The following CDKAL1 variants were observed in gnomAD, a reference collection of about 807,000 sequenced individuals.
The protein encoded by CDKAL1 is threonylcarbamoyladenosine tRNA methylthiotransferase.
A neutral mutation model predicts 68.2 loss-of-function variants in CDKAL1; 32 were observed. That is an observed-to-expected ratio of 0.47 (90% CI 0.35 to 0.63). The LOEUF is 0.63. CDKAL1 is among the 30% of genes least tolerant of loss of function. The pLI, the probability that CDKAL1 is intolerant of heterozygous loss-of-function variation, is 0.00. For missense variants in CDKAL1, 606 were observed against 696.7 expected (o/e 0.87, Z 1.47); for synonymous variants, 234 against 244.3 (o/e 0.96, Z 0.39).
intron 11 of CDKAL1, among the ~76,000 whole-genome samples, chr6:21,062,363 G>A (rs1401925713): frequency 6.6e-6 from 1 of 152,100 alleles, no homozygotes. Flanking sequence ...GAAAAGGCAA[G>A]TATAAAACTA....
rs556067375 is a variant in CDKAL1, at chr6:20,971,665, A to C, written c.909+16080A>C. ...TTTTATTCTAGTATCCTTCAAATCAAATGGGTCATTATTGTATTGAAGTGT... is the reference window on the plus strand; with the variant it reads ...TTTTATTCTAGTATCCTTCAAATCACATGGGTCATTATTGTATTGAAGTGT... On this transcript the variant is annotated intron_variant, in intron 10 of 15. Coordinates refer to ENST00000274695, the MANE Select transcript of CDKAL1 (RefSeq NM_017774.3). Among the ~76,000 whole-genome samples the C allele has an allele frequency of 8.5e-5, 13 of 152,298 alleles. No individual in the cohort carries two copies. The South Asian group carries it at 2.5e-3, about 29-fold the overall frequency.
At chr6:20,941,358 G>A (rs1763965465) in intron 9 of CDKAL1, among the ~76,000 whole-genome samples, 1 of 152,024 alleles carries the variant, frequency 6.6e-6, no homozygotes, top group East Asian at 1.9e-4. Context: ...TCACTAAATT[G>A]GCATTAAAAA....
At chr6:20,867,200 A>G (rs968872646) in intron 9 of CDKAL1, among the ~76,000 whole-genome samples, 3 of 152,186 alleles carry the variant, frequency 2.0e-5, no homozygotes, top group African/African-American at 7.2e-5. Flanking sequence ...TCAGTGTAAT[A>G]TAGAGTAAAT....
intron 13 of CDKAL1, among the ~76,000 whole-genome samples, chr6:21,178,408 G>T (rs974168916): frequency 6.6e-6 from 1 of 152,150 alleles, no homozygotes; most frequent in Admixed American, 6.6e-5. Context: ...TATGAATTAT[G>T]AGTGTGCTGT....
At chr6:21,042,905 G>A (rs190797728) in intron 11 of CDKAL1, among the ~76,000 whole-genome samples, 67 of 152,118 alleles carry the variant, frequency 4.4e-4, no homozygotes, top group African/African-American at 1.2e-3. Flanking sequence ...CTACCTGAAC[G>A]CCTCTGCTCT....
intron 4 of CDKAL1, among the ~76,000 whole-genome samples, chr6:20,587,733 A>AAAAC (rs1319846960): frequency 4.4e-4 from 67 of 151,196 alleles, no homozygotes; most frequent in Middle Eastern, 3.5e-3. Context: ...ACCCTGTCTG[A>AAAAC]AAACAAACAA....
At chr6:20,641,599 C>T (rs772152382) in intron 4 of CDKAL1, among the ~76,000 whole-genome samples, 6 of 152,086 alleles carry the variant, frequency 3.9e-5, no homozygotes, top group Non-Finnish European at 7.3e-5. Context: ...AAAGTAGATA[C>T]TAGACATATT....
chr6:20,950,160 T>C (rs1362417635), intron 9 of CDKAL1, among the ~76,000 whole-genome samples: 1 of 152,158 alleles, frequency 6.6e-6, no homozygotes, highest in African/African-American at 2.4e-5. Context: ...TAAAGCATAG[T>C]GGCCGGAGCT....
At chr6:20,984,387 C>T (rs1766328456) in intron 10 of CDKAL1, among the ~76,000 whole-genome samples, 1 of 152,068 alleles carries the variant, frequency 6.6e-6, no homozygotes, top group Non-Finnish European at 1.5e-5. Flanking sequence ...CAAAAATCTC[C>T]ATGGAGGCCC....
intron 5 of CDKAL1, among the ~76,000 whole-genome samples, chr6:20,652,543 A>G (rs1768822246): frequency 6.6e-6 from 1 of 151,922 alleles, no homozygotes; most frequent in African/African-American, 2.4e-5. Flanking sequence ...CATATTTCCA[A>G]CCTCTCCAAC....
intron 12 of CDKAL1, among the ~76,000 whole-genome samples, chr6:21,069,935 G>A (rs536337027): frequency 6.6e-5 from 10 of 151,436 alleles, no homozygotes; most frequent in African/African-American, 1.5e-4. Context: ...GACTACAGGC[G>A]CCCGCCACCA....
chr6:21,119,890 G>A (rs1432841583), intron 13 of CDKAL1, among the ~76,000 whole-genome samples: 1 of 152,058 alleles, frequency 6.6e-6, no homozygotes, highest in Non-Finnish European at 1.5e-5. Flanking sequence ...CTATAGAGCT[G>A]GAAAGGCCCT....
chr6:20,692,962 T>TAA (rs918893444), intron 5 of CDKAL1, among the ~76,000 whole-genome samples: 1 of 148,830 alleles, frequency 6.7e-6, no homozygotes. Context: ...CAATCTCTAC[T>TAA]AAAAAAAAAT....
At chr6:20,754,739 T>C (rs565499217) in intron 6 of CDKAL1, among the ~76,000 whole-genome samples, 5 of 152,376 alleles carry the variant, frequency 3.3e-5, no homozygotes, top group African/African-American at 1.2e-4. Context: ...TCTCATTTTC[T>C]GTGTTGTCAT....
At chr6:20,567,887 T>C (rs1341646309) in intron 4 of CDKAL1, among the ~76,000 whole-genome samples, 1 of 151,802 alleles carries the variant, frequency 6.6e-6, no homozygotes, top group Non-Finnish European at 1.5e-5. Flanking sequence ...CAAATTTTTT[T>C]TTTTTTGAGA....
At chr6:20,953,598 T>A (rs1581904507) in intron 9 of CDKAL1, among the ~76,000 whole-genome samples, 1 of 152,178 alleles carries the variant, frequency 6.6e-6, no homozygotes, top group Non-Finnish European at 1.5e-5. Flanking sequence ...AAAAAAAGAT[T>A]GTATGAGTCC....
chr6:21,138,747 G>GA (rs1054072621), intron 13 of CDKAL1, among the ~76,000 whole-genome samples: 24 of 150,242 alleles, frequency 1.6e-4, no homozygotes, highest in African/African-American at 4.4e-4. Context: ...AATGGCAATT[G>GA]AAAAAAAAAT....
intron 9 of CDKAL1, among the ~76,000 whole-genome samples, chr6:20,951,960 T>A (rs1290555572): frequency 3.8e-5 from 2 of 52,264 alleles, no homozygotes; most frequent in Non-Finnish European, 6.7e-5. Context: ...TCATTTTCTT[T>A]TTTTTTTTTT....
chr6:20,996,682 A>G (rs1767131187), intron 10 of CDKAL1, among the ~76,000 whole-genome samples: 1 of 152,226 alleles, frequency 6.6e-6, no homozygotes, highest in South Asian at 2.1e-4. Flanking sequence ...TAATTTAAAA[A>G]GTCTAAAATA....
Sources: gnomAD v4.1 joint callset for allele counts (sites outside exome capture counted in the v4.1 genomes callset) on GRCh38, gnomAD v4.1.1 for gene constraint, MANE v1.5 for transcripts, NCBI Gene and HGNC (gene_info 2026-07-23, HGNC 2026-07-21) for gene names.